MPRIP: variants seen among roughly 807,000 people sequenced by gnomAD.
The protein encoded by MPRIP is myosin phosphatase Rho interacting protein.
Under a neutral mutation model 234.9 loss-of-function variants are expected in MPRIP, and 59 were observed. The ratio of observed to expected loss-of-function variants is 0.25; its 90% confidence interval spans 0.20 to 0.31. The LOEUF (loss-of-function observed/expected upper bound fraction) is 0.31, where lower values mean the gene tolerates loss of function less well. Ranked by LOEUF, MPRIP falls within the 10% of genes least tolerant of loss-of-function variation. The pLI, the probability that MPRIP is intolerant of heterozygous loss-of-function variation, is 1.00. For synonymous variants in MPRIP, 1,144 were observed against 1,263.9 expected, an observed-to-expected ratio of 0.91 and a Z score of 2.01; for missense variants, 2,436 against 3,071.0, an observed-to-expected ratio of 0.79 and a Z score of 4.89.
At chr17:17,069,137 C>G (rs2089129813) in intron 1 of MPRIP, among the ~76,000 whole-genome samples, 1 of 152,166 alleles carries the variant, frequency 6.6e-6, no homozygotes, top group East Asian at 1.9e-4. Flanking sequence ...AACATTTAGG[C>G]TCACTATGTC....
At chr17:17,097,364 A>C (rs1236164028) in intron 3 of MPRIP, 2 of 152,922 alleles carry the variant, frequency 1.3e-5, no homozygotes, top group African/African-American at 2.4e-5. Context: ...ATGGTGGTTC[A>C]TGCCTGTAAT....
At chr17:17,154,142 C>T (rs1228523314) in intron 12 of MPRIP, among the ~76,000 whole-genome samples, 164 bp from the exon 13 acceptor site, 1 of 152,272 alleles carries the variant, frequency 6.6e-6, no homozygotes, top group Non-Finnish European at 1.5e-5. Flanking sequence ...CTCCAGCTCC[C>T]TCATGTCCCA....
At chr17:17,096,763 T>C (rs75146120) in intron 3 of MPRIP, 17,387 of 471,062 alleles carry the variant, frequency 0.037, 565 homozygotes, top group East Asian at 0.13. Context: ...TTTTCCTCAC[T>C]CCAGATGTCT....
intron 3 of MPRIP, among the ~76,000 whole-genome samples, chr17:17,111,171 A>G (rs1334415368): frequency 1.3e-5 from 2 of 150,988 alleles, no homozygotes; most frequent in African/African-American, 2.4e-5. Context: ...AAAAAAAAGA[A>G]AAAACCTCTA....
At position 17,164,957 on chromosome 17, in the gene MPRIP, C is replaced by G; in HGVS notation, c.3366C>G (p.Ala1122=). 1 of 1,303,568 alleles carries G rather than the reference C, an allele frequency of 7.7e-7. No homozygotes were observed. The highest frequency in any genetic ancestry group is 1.0e-6 in the Non-Finnish European group (1 of 988,876). The allele number at this position is 1,303,568 out of a possible 1,614,324, so 80.8% of individuals were successfully genotyped here. Residue 1122 remains alanine, a synonymous_variant, in exon 16 of 24, where the codon GCC becomes GCG. Transcript: ENST00000651222. ...QRFQELTERV[A]TSDEDVAELR... is the part of the protein sequence containing the mutation. ...TCCAGGAGCTGACAGAGCGCGTGGC[C>G]ACGTCCGACGAGGATGTGGCTGAGC...
intron 3 of MPRIP, among the ~76,000 whole-genome samples, chr17:17,090,901 G>A (rs1261160550): frequency 1.3e-5 from 2 of 152,126 alleles, no homozygotes; most frequent in Non-Finnish European, 2.9e-5. Context: ...AGCCTTACCT[G>A]GTTAATGTTT....
Position 17,191,620 on chromosome 17 carries a change from C to A in MPRIP, c.*6726C>A, listed in dbSNP as rs1368649075. The stretch of plus-strand genomic sequence containing the variant: ...CGGGCACAGCCTCAGTGGGGGCCTT[C>A]CCCAGGCGCAGCTCGGCCACCTGAG... On this transcript the variant is annotated 3_prime_UTR_variant, in exon 24 of 24. Coordinates refer to ENST00000651222, the MANE Select transcript of MPRIP (RefSeq NM_001364716.4). The A allele has an allele frequency of 6.6e-6, 1 of 152,260 alleles. No homozygotes were observed. Among genetic ancestry groups the A allele is most frequent in the Non-Finnish European group, 1.5e-5 (1 of 68,074 alleles). 9.4% of individuals were successfully genotyped at this position (152,260 alleles called of 1,614,324 possible).
chr17:17,068,105 A>G (rs2089094436), intron 1 of MPRIP, among the ~76,000 whole-genome samples: 1 of 151,028 alleles, frequency 6.6e-6, no homozygotes, highest in South Asian at 2.1e-4. Flanking sequence ...TTGTGCCATT[A>G]TGTCTTTTTT....
intron 5 of MPRIP, among the ~76,000 whole-genome samples, chr17:17,135,915 G>A (rs1030882697): frequency 4.6e-5 from 7 of 152,218 alleles, no homozygotes; most frequent in Non-Finnish European, 7.3e-5. Context: ...AGACTTGGGC[G>A]CTGTGAACTT....
chr17:17,067,274 A>G (rs2089060382), intron 1 of MPRIP, among the ~76,000 whole-genome samples: 1 of 152,078 alleles, frequency 6.6e-6, no homozygotes, highest in African/African-American at 2.4e-5. Context: ...GAAGCACTTT[A>G]TGGCTTCTCT....
chr17:17,132,891 C>T (rs2090625154), intron 5 of MPRIP, among the ~76,000 whole-genome samples: 1 of 152,204 alleles, frequency 6.6e-6, no homozygotes, highest in Admixed American at 6.5e-5. Context: ...CGTAAATCCC[C>T]CAAAGCTTCC....
At chr17:17,182,610 CACTT>C (rs2046395488) in intron 23 of MPRIP, 1 of 152,252 alleles carries the variant, frequency 6.6e-6, no homozygotes, top group Non-Finnish European at 1.5e-5. Context: ...TAGGGGATTT[CACTT>C]ACTTCCCACC....
chr17:17,158,352 G>T, intron 13 of MPRIP, 80 bp from the exon 14 acceptor site: 1 of 1,255,638 alleles, frequency 8.0e-7, no homozygotes, highest in Admixed American at 2.6e-5. Context: ...CTGGGTTGTG[G>T]CTCAGCATTG....
chr17:17,093,452 A>G (rs1028040576), intron 3 of MPRIP, among the ~76,000 whole-genome samples: 3 of 152,126 alleles, frequency 2.0e-5, no homozygotes, highest in African/African-American at 7.2e-5. Context: ...CATTGGTGTG[A>G]TAGTGGGGCA....
At position 17,171,880 on chromosome 17, in the gene MPRIP, T is replaced by TAA; in HGVS notation, c.6472+16_6472+17dup. The TAA allele has an allele frequency of 6.2e-7, 1 of 1,610,258 alleles. No homozygotes were observed. ...CACCATCTCAGGTTGGGGGGTGGGG[T>TAA]AACCCTGAGGGCAGGGTGGGTGGCC... On this transcript the variant is annotated intron_variant, in intron 17 of 23. Transcript: ENST00000651222.
chr17:17,073,784 T>C (rs867513324), intron 1 of MPRIP, among the ~76,000 whole-genome samples: 8 of 152,286 alleles, frequency 5.3e-5, no homozygotes, highest in Middle Eastern at 3.4e-3. Flanking sequence ...CTGGAGTTCG[T>C]AGAGAGCACA....
intron 15 of MPRIP, among the ~76,000 whole-genome samples, chr17:17,161,870 C>A (rs761120947): frequency 7.9e-5 from 12 of 152,172 alleles, no homozygotes; most frequent in Admixed American, 1.3e-4. Flanking sequence ...GGGGCTCTTA[C>A]CACTACTAGC....
At chr17:17,155,926 C>T (rs568008456) in intron 13 of MPRIP, among the ~76,000 whole-genome samples, 90 of 152,344 alleles carry the variant, frequency 5.9e-4, no homozygotes, top group South Asian at 1.4e-3. Flanking sequence ...GCTTGACAAG[C>T]TAAGTGCTCT....
At chr17:17,064,942 A>G (rs1004875122) in intron 1 of MPRIP, among the ~76,000 whole-genome samples, 1 of 152,194 alleles carries the variant, frequency 6.6e-6, no homozygotes, top group Non-Finnish European at 1.5e-5. Flanking sequence ...ACTGTCTCAC[A>G]CCAGCAGTGT....
Sources: gnomAD v4.1 joint callset for allele counts (sites outside exome capture counted in the v4.1 genomes callset) on GRCh38, gnomAD v4.1.1 for gene constraint, MANE v1.5 for transcripts, NCBI Gene and HGNC (gene_info 2026-07-23, HGNC 2026-07-21) for gene names.